The following TPTE2 variants were observed in gnomAD, a reference collection of about 807,000 sequenced individuals.
The protein encoded by TPTE2 is phosphatidylinositol 3,4,5-trisphosphate 3-phosphatase TPTE2.
A neutral mutation model predicts 78.6 loss-of-function variants in TPTE2; 53 were observed. The observed-to-expected ratio is 0.67, with a 90% CI of 0.54 to 0.85. The LOEUF is 0.85. Among genes scored for constraint, TPTE2 ranks in the 40% least tolerant of loss-of-function variants. The probability of loss-of-function intolerance (pLI) is 0.00; values close to 1 mark genes in which losing one functional copy is unlikely to be tolerated. For missense variants in TPTE2, 461 were observed against 623.0 expected, an observed-to-expected ratio of 0.74 and a Z score of 2.77; for synonymous variants, 175 against 206.2, an observed-to-expected ratio of 0.85 and a Z score of 1.30.
intron 17 of TPTE2, among the ~76,000 whole-genome samples, chr13:19,427,573 T>C (rs1165074333): frequency 6.6e-6 from 1 of 152,234 alleles, no homozygotes; most frequent in African/African-American, 2.4e-5. Flanking sequence ...TAACTTATCA[T>C]GGTTTTTTAT....
At chr13:19,462,085 G>T (rs1878949591) in intron 10 of TPTE2, among the ~76,000 whole-genome samples, 1 of 141,754 alleles carries the variant, frequency 7.1e-6, no homozygotes, top group Non-Finnish European at 1.6e-5. Flanking sequence ...TATATCCTTT[G>T]TTCTTTTCTT....
chr13:19,520,488 G>A (rs1252893876), intron 1 of TPTE2, among the ~76,000 whole-genome samples: 1 of 151,536 alleles, frequency 6.6e-6, no homozygotes, highest in Non-Finnish European at 1.5e-5. Context: ...ACATTTTTGA[G>A]TTCTTTTCTT....
At chr13:19,499,140 C>T (rs1350416763) in intron 1 of TPTE2, among the ~76,000 whole-genome samples, 3 of 152,066 alleles carry the variant, frequency 2.0e-5, no homozygotes, top group Non-Finnish European at 4.4e-5. Context: ...AGCACCAAGA[C>T]TCATAAAGCA....
chr13:19,477,347 G>C (rs1390960727), intron 4 of TPTE2, among the ~76,000 whole-genome samples: 1 of 150,434 alleles, frequency 6.6e-6, no homozygotes. Flanking sequence ...CAAACCCCAC[G>C]TGTACCTCCA....
At chr13:19,518,935 A>G (rs1348526171) in intron 1 of TPTE2, among the ~76,000 whole-genome samples, 1 of 152,162 alleles carries the variant, frequency 6.6e-6, no homozygotes, top group Non-Finnish European at 1.5e-5. Context: ...TGGTAGGAAC[A>G]CTTCAATGGT....
the TPTE2 span, among the ~76,000 whole-genome samples, chr13:19,549,216 C>A: frequency 6.6e-6 from 1 of 150,968 alleles, no homozygotes; most frequent in Non-Finnish European, 1.5e-5. Context: ...TTTCAATAAA[C>A]AGACAACCTA....
At chr13:19,545,606 C>T in the TPTE2 span, among the ~76,000 whole-genome samples, 2 of 152,142 alleles carry the variant, frequency 1.3e-5, no homozygotes, top group Non-Finnish European at 2.9e-5. Flanking sequence ...ATTGGAGAAA[C>T]TCAGTGAGAA....
upstream of TPTE2, among the ~76,000 whole-genome samples, chr13:19,503,968 C>CTGATCTCG (rs1174653904): frequency 6.6e-6 from 1 of 151,550 alleles, no homozygotes; most frequent in Non-Finnish European, 1.5e-5. Context: ...GCTCGATCTC[C>CTGATCTCG]TGATCTCGTG....
chr13:19,475,812 C>G (rs1018555562), intron 4 of TPTE2, among the ~76,000 whole-genome samples, 189 bp from the exon 8 acceptor site: 1 of 152,112 alleles, frequency 6.6e-6, no homozygotes, highest in African/African-American at 2.4e-5. Flanking sequence ...GTTTACTATG[C>G]TATCCAGAAG....
chr13:19,537,706 A>T (rs959907118), upstream of TPTE2, among the ~76,000 whole-genome samples: 1 of 146,282 alleles, frequency 6.8e-6, no homozygotes. Context: ...GGGTTCAAGC[A>T]ATTCTCCTGC....
At chr13:19,512,537 A>G (rs1869518284) in intron 1 of TPTE2, among the ~76,000 whole-genome samples, 1 of 152,148 alleles carries the variant, frequency 6.6e-6, no homozygotes, top group Admixed American at 6.5e-5. Flanking sequence ...CATGCTTAGT[A>G]AACTTCAAAT....
intron 3 of TPTE2, among the ~76,000 whole-genome samples, chr13:19,485,534 G>A (rs1031405792): frequency 6.6e-6 from 1 of 151,942 alleles, no homozygotes; most frequent in African/African-American, 2.4e-5. Context: ...GAATGTATTT[G>A]GGGTTCTTTG....
At chr13:19,509,510 G>A (rs1336497631) in intron 1 of TPTE2, among the ~76,000 whole-genome samples, 1 of 151,994 alleles carries the variant, frequency 6.6e-6, no homozygotes, top group Non-Finnish European at 1.5e-5. Flanking sequence ...AAACTTGGAT[G>A]GAATGGAAAA....
At chr13:19,539,946 A>G (rs1459122214), upstream of TPTE2, among the ~76,000 whole-genome samples, 2 of 152,130 alleles carry the variant, frequency 1.3e-5, no homozygotes, top group Admixed American at 6.6e-5. Context: ...GGAGTTCAAG[A>G]CCAGTCGGAC....
chr13:19,453,392 G>C (rs1042941310), intron 10 of TPTE2, among the ~76,000 whole-genome samples: 1 of 151,800 alleles, frequency 6.6e-6, no homozygotes, highest in African/African-American at 2.4e-5. Context: ...GCCTTCCTTA[G>C]TATACATATA....
At chr13:19,558,361 GA>G in the TPTE2 span, among the ~76,000 whole-genome samples, 1 of 152,158 alleles carries the variant, frequency 6.6e-6, no homozygotes, top group African/African-American at 2.4e-5. Flanking sequence ...TTGTAGGCCT[GA>G]CCCTATAAAG....
intron 1 of TPTE2, among the ~76,000 whole-genome samples, chr13:19,521,797 C>T (rs886874249): frequency 2.0e-5 from 3 of 152,050 alleles, no homozygotes; most frequent in African/African-American, 7.2e-5. Context: ...TTCCATTGTG[C>T]TGTTAATGCC....
chr13:19,546,179 C>T, the TPTE2 span, among the ~76,000 whole-genome samples: 1 of 152,068 alleles, frequency 6.6e-6, no homozygotes, highest in African/African-American at 2.4e-5. Context: ...GCCTGGAAGA[C>T]AGAGTGACAC....
intron 18 of TPTE2, 88 bp from the exon 22 acceptor site, chr13:19,425,105 A>G: frequency 4.8e-6 from 3 of 631,124 alleles, no homozygotes; most frequent in Non-Finnish European, 7.9e-6. Context: ...ATTCCTTTAT[A>G]TATTTATCAA....
Sources: allele counts gnomAD v4.1 joint callset (sites outside exome capture counted in the v4.1 genomes callset), GRCh38; gene constraint gnomAD v4.1.1; transcripts MANE v1.5; gene names NCBI Gene and HGNC (gene_info 2026-07-23, HGNC 2026-07-21).